The following LANCL2 variants were observed in gnomAD, a reference collection of about 807,000 sequenced individuals.
The protein encoded by LANCL2 is LanC like glutathione S-transferase 2.
Under a neutral mutation model 56.9 loss-of-function variants are expected in LANCL2, and 33 were observed. The observed-to-expected ratio is 0.58, with a 90% CI of 0.44 to 0.78. LANCL2 has a LOEUF of 0.78. Among genes scored for constraint, LANCL2 ranks in the 30% least tolerant of loss-of-function variants. The pLI is 0.00. For synonymous variants in LANCL2, 233 were observed against 228.2 expected (o/e 1.02, Z -0.19); for missense variants, 562 against 580.2 (o/e 0.97, Z 0.32).
chr7:55,413,465 G>A (rs990454345), intron 6 of LANCL2, among the ~76,000 whole-genome samples: 16 of 152,248 alleles, frequency 1.1e-4, no homozygotes, highest in Non-Finnish European at 1.8e-4. Flanking sequence ...GCTGCCAGGT[G>A]TGCTTTTCCA....
chr7:55,384,171 T>C (rs1041684393), intron 1 of LANCL2, among the ~76,000 whole-genome samples: 11 of 152,102 alleles, frequency 7.2e-5, no homozygotes, highest in African/African-American at 2.4e-4. Context: ...ATTGGAATCA[T>C]AGAAGGGAAG....
Position 55,396,762 on chromosome 7 carries a change from A to AGT in LANCL2, c.323-1660_323-1659dup, listed in dbSNP as rs563087527. On this transcript the variant is annotated intron_variant, in intron 2 of 8. Coordinates refer to ENST00000254770, the MANE Select transcript of LANCL2 (RefSeq NM_018697.4). ...TTTGCTTTAAAATACTGAAGCATTA[A>AGT]GTATATATAACTGTAAGTTTTTAGG... Among the ~76,000 whole-genome samples, 51 of 152,322 alleles carry AGT rather than the reference A, an allele frequency of 3.3e-4. 1 individual carries two copies. Among genetic ancestry groups the AGT allele is most frequent in the African/African-American group, 1.2e-3 (48 of 41,578 alleles).
At chr7:55,406,038 T>C (rs572975765) in intron 5 of LANCL2, among the ~76,000 whole-genome samples, 1 of 152,292 alleles carries the variant, frequency 6.6e-6, no homozygotes, top group East Asian at 1.9e-4. Flanking sequence ...TAATCATACG[T>C]AGCCTTGGGC....
intron 1 of LANCL2, among the ~76,000 whole-genome samples, chr7:55,389,889 G>T (rs1790165859): frequency 6.6e-6 from 1 of 152,190 alleles, no homozygotes; most frequent in African/African-American, 2.4e-5. Context: ...TGGAAAAGAT[G>T]AGCCCATTGT....
At chr7:55,387,936 G>A (rs532386387) in intron 1 of LANCL2, among the ~76,000 whole-genome samples, 9 of 151,740 alleles carry the variant, frequency 5.9e-5, no homozygotes, top group Non-Finnish European at 1.0e-4. Context: ...AGTTTTCAAC[G>A]TTTACATATT....
intron 1 of LANCL2, among the ~76,000 whole-genome samples, chr7:55,369,282 TC>T (rs1215307627): frequency 6.6e-6 from 1 of 152,218 alleles, no homozygotes. Flanking sequence ...TAATTTTCTC[TC>T]CATGATGTTA....
intron 5 of LANCL2, among the ~76,000 whole-genome samples, chr7:55,405,026 A>T (rs889988067): frequency 2.6e-5 from 4 of 152,216 alleles, no homozygotes; most frequent in African/African-American, 9.6e-5. Flanking sequence ...AGAAACAACC[A>T]ATAGGAGATA....
intron 1 of LANCL2, among the ~76,000 whole-genome samples, chr7:55,380,895 T>C (rs1242290052): frequency 8.5e-6 from 1 of 117,040 alleles, no homozygotes; most frequent in Non-Finnish European, 1.8e-5. Flanking sequence ...TTTGAGATGG[T>C]GTTTTGCTCT....
chr7:55,382,153 C>G (rs1790076106), intron 1 of LANCL2, among the ~76,000 whole-genome samples: 2 of 152,184 alleles, frequency 1.3e-5, no homozygotes, highest in Admixed American at 1.3e-4. Context: ...AGAACATTAA[C>G]TGGGTCCAAT....
intron 2 of LANCL2, among the ~76,000 whole-genome samples, chr7:55,392,513 G>A (rs1167802557): frequency 6.8e-6 from 1 of 148,034 alleles, no homozygotes; most frequent in African/African-American, 2.5e-5. Context: ...ACCACACCTG[G>A]CTAATTTTTT....
chr7:55,392,945 T>G (rs1790209265), intron 2 of LANCL2, among the ~76,000 whole-genome samples: 1 of 152,194 alleles, frequency 6.6e-6, no homozygotes, highest in African/African-American at 2.4e-5. Flanking sequence ...CCCTACTGCC[T>G]GTACTCATTT....
rs765622313 is a variant in LANCL2, at chr7:55,412,102, G to T, written c.1008+13G>T. The T allele has an allele frequency of 6.2e-7, 1 of 1,602,514 alleles. No individual in the cohort carries two copies. On this transcript the variant is annotated intron_variant, in intron 6 of 8. Transcript: ENST00000254770. ...GCAGGCGTACAAGGTCAGTGCTTCC[G>T]CCGTCACGGCCGTCCCCTGTGTGGG... is the stretch of plus-strand genomic sequence containing the variant.
In LANCL2 at chr7:55,377,854, T is replaced by G. The variant is rs115011597; in HGVS notation, c.204+11625T>G. Among the ~76,000 whole-genome samples, 769 of 152,358 alleles carry G rather than the reference T, an allele frequency of 5.0e-3. 9 individuals carry two copies. The highest frequency in any genetic ancestry group is 0.017 in the African/African-American group (721 of 41,572). On this transcript the variant is annotated intron_variant, in intron 1 of 8. Transcript: ENST00000254770. ...CTGCTCCTGCTGTTTCTGGGCTATGTGGCAGGTACATATTTCTATTCATAT... is the reference window on the plus strand; with the variant it reads ...CTGCTCCTGCTGTTTCTGGGCTATGGGGCAGGTACATATTTCTATTCATAT...
Position 55,429,970 on chromosome 7 carries a change from G to A in LANCL2, c.1259-1256G>A, listed in dbSNP as rs117787155. 2.2e-3 allele frequency among the ~76,000 whole-genome samples: 329 copies of A among 152,370 alleles called. 2 individuals carry two copies. Among genetic ancestry groups the A allele is most frequent in the East Asian group, 9.1e-3 (47 of 5,182 alleles). On this transcript the variant is annotated intron_variant, in intron 8 of 8. Coordinates refer to ENST00000254770, the MANE Select transcript of LANCL2 (RefSeq NM_018697.4). ...TGTGGCAAACTGGCCGGCTGGAGGA[G>A]CCACTGGGAGGGCTCACTGGCACCT...
intron 2 of LANCL2, among the ~76,000 whole-genome samples, chr7:55,398,180 A>G (rs1346345901): frequency 6.6e-6 from 1 of 152,204 alleles, no homozygotes; most frequent in East Asian, 1.9e-4. Flanking sequence ...TCACTGTGCC[A>G]GGACAAGCAC....
At chr7:55,385,321 A>T (rs1562859171) in intron 1 of LANCL2, among the ~76,000 whole-genome samples, 1 of 152,194 alleles carries the variant, frequency 6.6e-6, no homozygotes, top group African/African-American at 2.4e-5. Flanking sequence ...TTATTAGAGA[A>T]AGAAGGAAAA....
chr7:55,375,996 G>A (rs936734933), intron 1 of LANCL2, among the ~76,000 whole-genome samples: 1 of 152,174 alleles, frequency 6.6e-6, no homozygotes, highest in African/African-American at 2.4e-5. Context: ...AATAGGAGAA[G>A]TTTCTCTCCT....
intron 1 of LANCL2, among the ~76,000 whole-genome samples, chr7:55,370,157 G>GC (rs1190154900): frequency 1.3e-5 from 2 of 152,224 alleles, no homozygotes; most frequent in Middle Eastern, 3.4e-3. Context: ...TGGTTAGTCG[G>GC]CCTTGCTATG....
chr7:55,368,231 T>C (rs1283745819), intron 1 of LANCL2, among the ~76,000 whole-genome samples: 3 of 152,254 alleles, frequency 2.0e-5, no homozygotes, highest in African/African-American at 7.2e-5. Context: ...ATTGGGTATT[T>C]TTCTTTTTAG....
Sources: gnomAD v4.1 joint callset for allele counts (sites outside exome capture counted in the v4.1 genomes callset) on GRCh38, gnomAD v4.1.1 for gene constraint, MANE v1.5 for transcripts, NCBI Gene and HGNC (gene_info 2026-07-23, HGNC 2026-07-21) for gene names.